Variants in MAST4 observed in about 807,000 individuals in gnomAD.
MAST4 encodes the protein microtubule-associated serine/threonine-protein kinase 4.
MAST4 carries 89 observed loss-of-function variants against 162.7 expected under a neutral mutation model. The observed-to-expected ratio is 0.55, with a 90% CI of 0.46 to 0.65. The LOEUF is 0.65. MAST4 is among the 30% of genes least tolerant of loss of function. The probability of loss-of-function intolerance (pLI) is 0.00; values close to 1 mark genes in which losing one functional copy is unlikely to be tolerated. For missense variants in MAST4, 3,153 were observed against 3,374.0 expected, an observed-to-expected ratio of 0.93 and a Z score of 1.62; for synonymous variants, 1,479 against 1,361.1, an observed-to-expected ratio of 1.09 and a Z score of -1.91.
intron 1 of MAST4, among the ~76,000 whole-genome samples, chr5:66,750,343 C>T (rs147928092): frequency 0.01 from 1,559 of 152,260 alleles, 12 homozygotes; most frequent in South Asian, 0.05. Flanking sequence ...CCAGCGTGAG[C>T]GACGCAGGAA....
chr5:67,089,210 A>G (rs77174259), intron 5 of MAST4, among the ~76,000 whole-genome samples: 4,010 of 152,290 alleles, frequency 0.026, 131 homozygotes, highest in African/African-American at 0.078. Context: ...AACCAGCTAC[A>G]GTTCCATGTG....
At chr5:66,837,177 C>G (rs1758037252) in intron 3 of MAST4, among the ~76,000 whole-genome samples, 1 of 152,098 alleles carries the variant, frequency 6.6e-6, no homozygotes, top group Non-Finnish European at 1.5e-5. Context: ...CAATAAAACA[C>G]TAGCACTTAA....
intron 12 of MAST4, among the ~76,000 whole-genome samples, chr5:67,116,526 A>G (rs927843556): frequency 2.6e-5 from 4 of 151,692 alleles, no homozygotes; most frequent in African/African-American, 9.7e-5. Context: ...TTTTTAATCT[A>G]TTTGTTAACA....
intron 3 of MAST4, among the ~76,000 whole-genome samples, chr5:66,790,386 C>A (rs1158066470): frequency 6.6e-6 from 1 of 152,080 alleles, no homozygotes; most frequent in Non-Finnish European, 1.5e-5. Flanking sequence ...TCCCTTTCTT[C>A]TCTGGAATTT....
intron 3 of MAST4, among the ~76,000 whole-genome samples, chr5:66,807,879 T>C (rs992151942): frequency 6.6e-6 from 1 of 152,196 alleles, no homozygotes; most frequent in Non-Finnish European, 1.5e-5. Context: ...TGCATTGATA[T>C]CAAAGCCGAT....
chr5:66,809,382 A>G (rs537261361), intron 3 of MAST4, among the ~76,000 whole-genome samples: 4 of 152,326 alleles, frequency 2.6e-5, no homozygotes, highest in African/African-American at 9.6e-5. Flanking sequence ...TATAGTTGTG[A>G]TTGGCAGTTG....
chr5:66,900,263 A>G (rs142002375), intron 4 of MAST4, among the ~76,000 whole-genome samples: 1 of 152,230 alleles, frequency 6.6e-6, no homozygotes, highest in East Asian at 1.9e-4. Flanking sequence ...TTATTTGGTT[A>G]GGAGACAGAG....
At chr5:66,648,897 A>G (rs1470106022) in intron 1 of MAST4, among the ~76,000 whole-genome samples, 3 of 152,208 alleles carry the variant, frequency 2.0e-5, no homozygotes, top group African/African-American at 4.8e-5. Context: ...ACCATTCGGT[A>G]TGAATTGGGG....
At chr5:66,619,413 G>GC (rs35743982) in intron 1 of MAST4, among the ~76,000 whole-genome samples, 1 of 151,884 alleles carries the variant, frequency 6.6e-6, no homozygotes, top group African/African-American at 2.4e-5. Flanking sequence ...AATTCATGTT[G>GC]AATATCAATG....
At chr5:67,060,133 C>G (rs1759375511) in intron 5 of MAST4, among the ~76,000 whole-genome samples, 1 of 152,126 alleles carries the variant, frequency 6.6e-6, no homozygotes, top group Non-Finnish European at 1.5e-5. Flanking sequence ...TCAGACAACT[C>G]TTAAGGACCT....
intron 4 of MAST4, among the ~76,000 whole-genome samples, chr5:66,954,173 A>G (rs183928871): frequency 4.6e-5 from 7 of 152,280 alleles, no homozygotes; most frequent in East Asian, 1.9e-4. Flanking sequence ...ATAAAAATAT[A>G]TCACACTACT....
chr5:66,941,764 T>G (rs567721928), intron 4 of MAST4, among the ~76,000 whole-genome samples: 40 of 152,276 alleles, frequency 2.6e-4, no homozygotes, highest in African/African-American at 9.1e-4. Context: ...TTTTAGCTTT[T>G]GATTGAAAAT....
At chr5:67,162,403 G>A (rs1773289323) in intron 27 of MAST4, among the ~76,000 whole-genome samples, 1 of 151,996 alleles carries the variant, frequency 6.6e-6, no homozygotes, top group Non-Finnish European at 1.5e-5. Context: ...ATTGAGAGAG[G>A]CTCCATTGTC....
At chr5:67,013,686 A>G (rs1426316322) in intron 4 of MAST4, among the ~76,000 whole-genome samples, 6 of 151,662 alleles carry the variant, frequency 4.0e-5, no homozygotes, top group African/African-American at 1.2e-4. Flanking sequence ...CCCCTTTCAC[A>G]TTAATGTTTT....
chr5:67,131,069 A>C (rs1479340514), intron 15 of MAST4, among the ~76,000 whole-genome samples: 1 of 152,200 alleles, frequency 6.6e-6, no homozygotes, highest in East Asian at 1.9e-4. Context: ...CCAAAACTAT[A>C]AAACTCAAAG....
intron 3 of MAST4, among the ~76,000 whole-genome samples, chr5:66,866,074 CAAA>C (rs57347322): frequency 1.7e-5 from 2 of 115,758 alleles, no homozygotes; most frequent in Admixed American, 9.6e-5. Flanking sequence ...ATCTCCATCT[CAAA>C]AAAAAAAAAA....
chr5:66,870,206 A>G (rs1219632753), intron 3 of MAST4, among the ~76,000 whole-genome samples: 4 of 152,180 alleles, frequency 2.6e-5, no homozygotes, highest in Admixed American at 1.3e-4. Flanking sequence ...TTCAGCCAAT[A>G]AAATACAATG....
chr5:66,806,598 A>T (rs1007314005), intron 3 of MAST4, among the ~76,000 whole-genome samples: 1 of 152,220 alleles, frequency 6.6e-6, no homozygotes, highest in African/African-American at 2.4e-5. Flanking sequence ...TCAGTTGGGA[A>T]ATGTAGGATT....
In MAST4 at chr5:67,152,522, T is replaced by C. The variant is rs113503792; in HGVS notation, c.3296-115T>C. The C allele has an allele frequency of 4.5e-4, 338 of 759,232 alleles. No homozygotes were observed. The African/African-American group carries it at 5.4e-3, about 12-fold the overall frequency. The allele number at this position is 759,232 out of a possible 1,614,324, so 47.0% of individuals were successfully genotyped here. A position where few individuals can be genotyped will look rare whatever the true frequency, so the allele number is the denominator to read the frequency against. ...TCTTCATTTTGCTATTGGAAACAAA[T>C]GGATTTGTGTTGTGACTATGCCCCC... is the stretch of plus-strand genomic sequence containing the variant. On this transcript the variant is annotated intron_variant, in intron 24 of 28. Coordinates refer to ENST00000403625, the MANE Select transcript of MAST4 (RefSeq NM_001164664.2).
Sources: allele counts gnomAD v4.1 joint callset (sites outside exome capture counted in the v4.1 genomes callset), GRCh38; gene constraint gnomAD v4.1.1; transcripts MANE v1.5; gene names NCBI Gene and HGNC (gene_info 2026-07-23, HGNC 2026-07-21).